DLG2: variants seen among roughly 807,000 people sequenced by gnomAD.
DLG2 encodes disks large homolog 2.
In DLG2, 45 loss-of-function variants were observed where a neutral mutation model predicts 132.5. That is an observed-to-expected ratio of 0.34 (90% CI 0.27 to 0.44). DLG2 has a LOEUF of 0.44. Among genes scored for constraint, DLG2 ranks in the 20% least tolerant of loss-of-function variants. DLG2 has a pLI of 1.00. For missense variants in DLG2, 1,045 were observed against 1,196.9 expected (o/e 0.87, Z 1.87); for synonymous variants, 424 against 419.6 (o/e 1.01, Z -0.13).
At chr11:83,812,922 C>A (rs2047738779) in intron 17 of DLG2, among the ~76,000 whole-genome samples, 2 of 152,164 alleles carry the variant, frequency 1.3e-5, no homozygotes, top group African/African-American at 4.8e-5. Context: ...GAAGCTCATT[C>A]TTAGAGCCTT....
chr11:83,665,344 T>C (rs2075297077), intron 18 of DLG2, among the ~76,000 whole-genome samples: 1 of 152,200 alleles, frequency 6.6e-6, no homozygotes, highest in South Asian at 2.1e-4. Context: ...TGCTAGGCAA[T>C]GGAGATACGA....
intron 7 of DLG2, among the ~76,000 whole-genome samples, chr11:84,430,151 C>G (rs1221690888): frequency 6.6e-6 from 1 of 152,068 alleles, no homozygotes; most frequent in African/African-American, 2.4e-5. Flanking sequence ...TGAAATGCAG[C>G]TAATAGCCAG....
chr11:84,205,513 T>C (rs1195245264), intron 8 of DLG2, among the ~76,000 whole-genome samples: 4 of 150,998 alleles, frequency 2.6e-5, no homozygotes, highest in Non-Finnish European at 5.9e-5. Context: ...TTCAAAGGAC[T>C]GAAAACATAG....
intron 11 of DLG2, among the ~76,000 whole-genome samples, chr11:84,007,136 G>A (rs1241372332): frequency 6.6e-6 from 1 of 151,634 alleles, no homozygotes; most frequent in Non-Finnish European, 1.5e-5. Context: ...AAGAGTGGAA[G>A]TTATGTAATT....
At chr11:84,410,382 GA>G (rs1251504432) in intron 7 of DLG2, among the ~76,000 whole-genome samples, 1 of 151,924 alleles carries the variant, frequency 6.6e-6, no homozygotes, top group Non-Finnish European at 1.5e-5. Flanking sequence ...ACAGATATTT[GA>G]AATATAGCAC....
At chr11:83,943,959 T>C (rs1486759884) in intron 14 of DLG2, among the ~76,000 whole-genome samples, 2 of 152,168 alleles carry the variant, frequency 1.3e-5, no homozygotes. Flanking sequence ...CAGGATTAAA[T>C]GAGATAATAT....
chr11:84,937,428 T>C (rs1417239956), intron 6 of DLG2, among the ~76,000 whole-genome samples: 2 of 150,110 alleles, frequency 1.3e-5, no homozygotes, highest in Non-Finnish European at 3.0e-5. Context: ...GTCTCAGTGA[T>C]ATCAAAACTT....
intron 7 of DLG2, chr11:84,316,774 G>A (rs935315193): frequency 6.6e-7 from 1 of 1,520,228 alleles, no homozygotes; most frequent in Non-Finnish European, 8.8e-7. Flanking sequence ...TAAACAACTT[G>A]CTCTCACTTT....
chr11:84,569,321 C>A (rs2099471103), intron 6 of DLG2, among the ~76,000 whole-genome samples: 1 of 152,046 alleles, frequency 6.6e-6, no homozygotes, highest in South Asian at 2.1e-4. Context: ...CATACAAGAA[C>A]AAAAGGATTA....
At chr11:85,015,216 A>T (rs953024484) in intron 6 of DLG2, among the ~76,000 whole-genome samples, 2 of 152,146 alleles carry the variant, frequency 1.3e-5, no homozygotes, top group South Asian at 4.1e-4. Flanking sequence ...GTCTTTGGAA[A>T]ATTCTTAATC....
chr11:83,840,355 T>C (rs976940199), intron 16 of DLG2, among the ~76,000 whole-genome samples: 6 of 152,200 alleles, frequency 3.9e-5, no homozygotes, highest in Non-Finnish European at 7.3e-5. Context: ...AGGTATTAAA[T>C]GAATGGATAA....
At chr11:83,518,737 C>G (rs2095382232) in intron 21 of DLG2, among the ~76,000 whole-genome samples, 1 of 152,118 alleles carries the variant, frequency 6.6e-6, no homozygotes, top group Admixed American at 6.5e-5. Flanking sequence ...AGAAAAGTCA[C>G]AAAATCTACC....
chr11:84,154,362 C>T (rs1262857007), intron 9 of DLG2, among the ~76,000 whole-genome samples: 1 of 152,166 alleles, frequency 6.6e-6, no homozygotes, highest in Non-Finnish European at 1.5e-5. Flanking sequence ...TATAAAGATA[C>T]ATAAAGTGAA....
intron 6 of DLG2, among the ~76,000 whole-genome samples, chr11:84,930,581 CCTTCTA>C (rs2047967381): frequency 6.6e-6 from 1 of 152,016 alleles, no homozygotes; most frequent in Non-Finnish European, 1.5e-5. Context: ...TAGATAGTTG[CCTTCTA>C]CTAAGAAGAA....
At chr11:83,545,148 G>T (rs1330910658) in intron 19 of DLG2, among the ~76,000 whole-genome samples, 1 of 152,148 alleles carries the variant, frequency 6.6e-6, no homozygotes, top group Non-Finnish European at 1.5e-5. Flanking sequence ...AGGCTCTGGA[G>T]CCAGACTGCC....
intron 14 of DLG2, among the ~76,000 whole-genome samples, chr11:83,937,552 C>G (rs2081774542): frequency 6.8e-6 from 1 of 147,580 alleles, no homozygotes; most frequent in Non-Finnish European, 1.5e-5. Flanking sequence ...GAAGCAAGAA[C>G]TCATAAACAA....
chr11:84,534,778 G>A, intron 6 of DLG2, 47 bp from the exon 7 acceptor site: 1 of 1,588,504 alleles, frequency 6.3e-7, no homozygotes, highest in Non-Finnish European at 8.6e-7. Flanking sequence ...ATCAGTGTTT[G>A]TAAAGGATAT....
At chr11:84,390,087 C>T (rs1041819678) in intron 7 of DLG2, among the ~76,000 whole-genome samples, 5 of 151,960 alleles carry the variant, frequency 3.3e-5, no homozygotes, top group African/African-American at 1.2e-4. Context: ...ATAATCCATC[C>T]CAGTTACAAA....
intron 6 of DLG2, among the ~76,000 whole-genome samples, chr11:84,978,301 A>G (rs1212543835): frequency 6.6e-6 from 1 of 152,250 alleles, no homozygotes; most frequent in Non-Finnish European, 1.5e-5. Context: ...AGAATTGGAA[A>G]AAACTATTTT....
Sources: gnomAD v4.1 joint callset for allele counts (sites outside exome capture counted in the v4.1 genomes callset) on GRCh38, gnomAD v4.1.1 for gene constraint, MANE v1.5 for transcripts, NCBI Gene and HGNC (gene_info 2026-07-23, HGNC 2026-07-21) for gene names.